The following PDE12 variants were observed in gnomAD, a reference collection of about 807,000 sequenced individuals.
PDE12 encodes the protein 2',5'-phosphodiesterase 12.
PDE12 carries 26 observed loss-of-function variants against 45.4 expected under a neutral mutation model. That is an observed-to-expected ratio of 0.57 (90% confidence interval 0.42 to 0.79). The LOEUF is 0.79. Ranked by LOEUF, PDE12 falls within the 30% of genes least tolerant of loss-of-function variation. The pLI, the probability that PDE12 is intolerant of heterozygous loss-of-function variation, is 0.00. For synonymous variants in PDE12, 283 were observed against 323.9 expected (o/e 0.87, Z 1.36); for missense variants, 668 against 790.0 (o/e 0.85, Z 1.85).
At chr3:57,575,624 T>C in the PDE12 span, 1 of 1,613,612 alleles carries the variant, frequency 6.2e-7, no homozygotes, top group Non-Finnish European at 8.5e-7. Context: ...CAAATCCTGT[T>C]TGTTTGCAAA....
downstream of PDE12, among the ~76,000 whole-genome samples, chr3:57,568,427 C>T (rs1010814892): frequency 1.3e-5 from 2 of 151,986 alleles, no homozygotes; most frequent in Admixed American, 1.3e-4. Context: ...TGCACTCCAG[C>T]CTGGGCGACA....
chr3:57,594,980 C>G, the PDE12 span, among the ~76,000 whole-genome samples: 8 of 152,114 alleles, frequency 5.3e-5, no homozygotes, highest in Non-Finnish European at 1.2e-4. Flanking sequence ...GTTTTTTAGT[C>G]AAGGAAAACT....
the PDE12 span, among the ~76,000 whole-genome samples, chr3:57,646,633 TATCA>T: frequency 4.7e-4 from 72 of 152,352 alleles, 1 homozygote; most frequent in Middle Eastern, 6.8e-3. Context: ...TAAAAATATC[TATCA>T]ATTTGACTCA....
At chr3:57,570,592 A>G (rs943546864), downstream of PDE12, among the ~76,000 whole-genome samples, 3 of 152,268 alleles carry the variant, frequency 2.0e-5, no homozygotes, top group South Asian at 6.2e-4. Context: ...TTTTCAATCC[A>G]TAAATTTAGC....
chr3:57,625,427 A>G, the PDE12 span: 6 of 152,612 alleles, frequency 3.9e-5, no homozygotes, highest in African/African-American at 1.2e-4. Flanking sequence ...GTCCAACCCC[A>G]TTCAGAAATA....
the PDE12 span, chr3:57,633,118 C>T: frequency 1.8e-5 from 12 of 663,460 alleles, no homozygotes; most frequent in Non-Finnish European, 2.8e-5. Flanking sequence ...TAATCCAGGT[C>T]TCTTGCAAAG....
chr3:57,644,701 G>GGAAAGACAGAAAGAAA, the PDE12 span, among the ~76,000 whole-genome samples: 1 of 69,184 alleles, frequency 1.4e-5, no homozygotes, highest in Non-Finnish European at 2.9e-5. Context: ...GAGGGGAGGG[G>GGAAAGACAGAAAGAAA]AGGGGAGGGG....
chr3:57,583,858 C>A, the PDE12 span: 2 of 1,391,964 alleles, frequency 1.4e-6, no homozygotes, highest in Admixed American at 1.9e-5. Context: ...GAGCATGAAA[C>A]CCACAAAGAA....
downstream of PDE12, among the ~76,000 whole-genome samples, chr3:57,570,219 GTTTTTTTTTT>G (rs34599005): frequency 9.8e-6 from 1 of 102,314 alleles, no homozygotes; most frequent in African/African-American, 3.9e-5. Context: ...TTAATCCAGT[GTTTTTTTTTT>G]TTTTTTTTTT....
At chr3:57,602,301 T>C in the PDE12 span, among the ~76,000 whole-genome samples, 1 of 152,182 alleles carries the variant, frequency 6.6e-6, no homozygotes, top group Non-Finnish European at 1.5e-5. Context: ...TCCTAACCTT[T>C]GTAAACTCTA....
the PDE12 span, chr3:57,633,184 A>G: frequency 8.4e-7 from 1 of 1,186,416 alleles, no homozygotes; most frequent in Non-Finnish European, 1.2e-6. Context: ...AACTTAAGAT[A>G]TGGTTTTGGA....
chr3:57,603,240 T>C, the PDE12 span, among the ~76,000 whole-genome samples: 154 of 152,304 alleles, frequency 1.0e-3, 1 homozygote, highest in African/African-American at 3.5e-3. Context: ...ATTTACCAGG[T>C]ACCACTGCAA....
chr3:57,643,380 T>G, the PDE12 span, among the ~76,000 whole-genome samples: 1 of 152,120 alleles, frequency 6.6e-6, no homozygotes, highest in African/African-American at 2.4e-5. Context: ...ACTTCTATCT[T>G]CTATGGGGCA....
At chr3:57,602,155 G>T in the PDE12 span, among the ~76,000 whole-genome samples, 1 of 152,204 alleles carries the variant, frequency 6.6e-6, no homozygotes, top group Admixed American at 6.5e-5. Flanking sequence ...ATATGCCATT[G>T]TACTTAATGT....
At chr3:57,643,953 A>C in the PDE12 span, among the ~76,000 whole-genome samples, 683 of 151,942 alleles carry the variant, frequency 4.5e-3, 7 homozygotes, top group Admixed American at 8.3e-3. Context: ...GTTCAAGACC[A>C]GTCTGGCCAA....
At chr3:57,582,751 A>ATT in the PDE12 span, among the ~76,000 whole-genome samples, 58,388 of 128,488 alleles carry the variant, frequency 0.45, 12,577 homozygotes, top group South Asian at 0.65. Flanking sequence ...ACTTAAAAAA[A>ATT]ATTATTAAGT....
the PDE12 span, among the ~76,000 whole-genome samples, chr3:57,599,128 A>G: frequency 1.3e-5 from 2 of 152,240 alleles, no homozygotes; most frequent in Non-Finnish European, 2.9e-5. Context: ...TAAGATGAAC[A>G]TTGGTTCATT....
At chr3:57,601,388 T>C in the PDE12 span, among the ~76,000 whole-genome samples, 7 of 152,062 alleles carry the variant, frequency 4.6e-5, no homozygotes, top group Admixed American at 3.3e-4. Context: ...GGATTACAGG[T>C]GTGAGCCACC....
At chr3:57,599,320 T>C in the PDE12 span, among the ~76,000 whole-genome samples, 1 of 152,204 alleles carries the variant, frequency 6.6e-6, no homozygotes, top group African/African-American at 2.4e-5. Flanking sequence ...TTTTAAAGAA[T>C]GGGAGGCAGG....
Sources: gnomAD v4.1 joint callset for allele counts (sites outside exome capture counted in the v4.1 genomes callset) on GRCh38, gnomAD v4.1.1 for gene constraint, MANE v1.5 for transcripts, NCBI Gene and HGNC (gene_info 2026-07-23, HGNC 2026-07-21) for gene names.